Variants in OTUD4 observed in about 807,000 individuals in gnomAD.
The protein encoded by OTUD4 is OTU deubiquitinase 4.
A neutral mutation model predicts 130.4 loss-of-function variants in OTUD4; 24 were observed. The observed-to-expected ratio is 0.18, with a 90% CI of 0.13 to 0.26. The LOEUF (loss-of-function observed/expected upper bound fraction) is 0.26, where lower values mean the gene tolerates loss of function less well. Among genes scored for constraint, OTUD4 ranks in the 10% least tolerant of loss-of-function variants. The pLI is 1.00. For synonymous variants in OTUD4, 420 were observed against 472.5 expected, an observed-to-expected ratio of 0.89 and a Z score of 1.44; for missense variants, 1,031 against 1,329.4, an observed-to-expected ratio of 0.78 and a Z score of 3.49.
rs1451032757 is a variant in OTUD4 at position 145,137,101 on chromosome 4, T to A, written c.*329A>T. On this transcript the variant is annotated 3_prime_UTR_variant, in exon 21 of 21. Coordinates refer to ENST00000447906, the MANE Select transcript of OTUD4 (RefSeq NM_001366057.1). ...ATCTGAAATCAAACTTATAAACTTA[T>A]AAGGAAAAAAGCCAAACACTAAATC... is the stretch of plus-strand genomic sequence containing the variant. The A allele has an allele frequency of 1.0e-5, 2 of 198,778 alleles. No homozygotes were observed. Among genetic ancestry groups the A allele is most frequent in the East Asian group, 1.3e-4 (1 of 7,770 alleles). The allele number at this position is 198,778 out of a possible 1,614,324, so 12.3% of individuals were successfully genotyped here. A position where few individuals can be genotyped will look rare whatever the true frequency, so the allele number is the denominator to read the frequency against.
In OTUD4 at chr4:145,138,324, C is replaced by G. The variant is rs749727457; in HGVS notation, c.2451G>C (p.Glu817Asp). 7.4e-6 allele frequency: 12 copies of G among 1,613,988 alleles called. No homozygotes were observed. The highest frequency in any genetic ancestry group is 1.3e-5 in the African/African-American group (1 of 74,904). Residue 817 changes from glutamate (E) to aspartate (D), a missense_variant, in exon 21 of 21, where the codon GAG becomes GAC. This residue lies in a region of OTUD4 where 900 missense variants were observed against 1,095.9 expected (regional missense o/e 0.82). Transcript: ENST00000447906. ...QLSYQADLESETPGQLLHADY... is the reference protein window; with the variant it reads ...QLSYQADLESDTPGQLLHADY... Reference sequence around the variant, plus strand: ...CAGCATGCAGAAGCTGCCCAGGGGTCTCAGATTCAAGATCAGCCTGGTAAG... The same window carrying G: ...CAGCATGCAGAAGCTGCCCAGGGGTGTCAGATTCAAGATCAGCCTGGTAAG...
chr4:145,171,633 T>A (rs1406308973), intron 3 of OTUD4, 37 bp downstream of exon 3: 1 of 881,380 alleles, frequency 1.1e-6, no homozygotes. Flanking sequence ...TATTTGGATA[T>A]ATAAAAATAG....
In OTUD4 at chr4:145,144,409, G is replaced by A. The variant is rs1208366501; in HGVS notation, c.1448C>T (p.Ser483Phe). ...CTGGACACATGGATTGCTACTCTGA[G>A]AAGCTGACTGATTGACTGATGAGCT... ...LSSSSVNQSASQSSNPCVQRK... is the reference protein window; with the variant it reads ...LSSSSVNQSAFQSSNPCVQRK... The change falls in exon 15 of 21, where the codon TCT becomes TTT. Residue 483 changes from serine (S) to phenylalanine (F), a missense_variant. Ser to Phe is a radical substitution (Grantham distance 155). Around this residue, in one of 3 missense-constraint regions of OTUD4, gnomAD observed 900 missense variants for 1,095.9 expected, o/e 0.82. Transcript: ENST00000447906. The A allele has an allele frequency of 6.2e-7, 1 of 1,611,688 alleles. No homozygotes were observed. Among genetic ancestry groups the A allele is most frequent in the Non-Finnish European group, 8.5e-7 (1 of 1,178,950 alleles).
Position 145,134,110 on chromosome 4 carries a change from G to C in OTUD4, c.*3320C>G, listed in dbSNP as rs546565487. 1 of 152,470 alleles carries C rather than the reference G, an allele frequency of 6.6e-6. No homozygotes were observed. Among genetic ancestry groups the C allele is most frequent in the African/African-American group, 2.4e-5 (1 of 41,376 alleles). The allele number at this position is 152,470 out of a possible 1,614,324, so 9.4% of individuals were successfully genotyped here. ...TAAGATTTTCTAAAACTTGTATTTC[G>C]GGGAGAAAGACCTCTTTTAAAAAAT... On this transcript the variant is annotated 3_prime_UTR_variant, in exon 21 of 21. Coordinates refer to ENST00000447906, the MANE Select transcript of OTUD4 (RefSeq NM_001366057.1).
intron 1 of OTUD4, among the ~76,000 whole-genome samples, chr4:145,177,889 T>C (rs755259967): frequency 1.1e-4 from 17 of 152,320 alleles, no homozygotes; most frequent in Middle Eastern, 3.4e-3. Flanking sequence ...AAATATAAAT[T>C]ATTGGTACAC....
rs1221665475 is a variant in OTUD4, at chr4:145,174,671, TTC to T, written c.231_232del (p.Lys78IlefsTer2). On this transcript the variant is annotated frameshift_variant, in exon 2 of 21. Coordinates refer to ENST00000447906, the MANE Select transcript of OTUD4 (RefSeq NM_001366057.1). LOFTEE classifies it high-confidence loss of function. Reference sequence around the variant, plus strand: ...GAAATTACAAGTTACCGCTTCAAATTTCTCTCTGTTCTCTCGAAGATAGTGAA... The same window carrying T: ...GAAATTACAAGTTACCGCTTCAAATTTCTCTGTTCTCTCGAAGATAGTGAA... The T allele has an allele frequency of 6.3e-7, 1 of 1,590,818 alleles. No homozygotes were observed. The highest frequency in any genetic ancestry group is 8.6e-7 in the Non-Finnish European group (1 of 1,158,818).
chr4:145,134,982 T>C lies in OTUD4; in HGVS notation c.*2448A>G. 1 of 397,628 alleles carries C rather than the reference T, an allele frequency of 2.5e-6. No individual in the cohort carries two copies. The allele number at this position is 397,628 out of a possible 1,614,324, so 24.6% of individuals were successfully genotyped here. A position where few individuals can be genotyped will look rare whatever the true frequency, so the allele number is the denominator to read the frequency against. On this transcript the variant is annotated 3_prime_UTR_variant, in exon 21 of 21. Transcript: ENST00000447906. ...ATAAAGAAATATGTCAACATAACAG[T>C]ATGACATAACAGTTAAAATGAAGGA...
intron 2 of OTUD4, among the ~76,000 whole-genome samples, chr4:145,172,195 G>C (rs1752203867): frequency 6.6e-6 from 1 of 152,218 alleles, no homozygotes; most frequent in Admixed American, 6.5e-5. Flanking sequence ...AGATGAGAAA[G>C]GCCATTCAAG....
At position 145,137,633 on chromosome 4, in the gene OTUD4, C is replaced by T; in HGVS notation, c.3142G>A (p.Gly1048Arg). ...CAATCACTTTTGTACTTCCTGCTTCCATAAGTTTGATTATAGAACTGCTTG... is the reference window on the plus strand; with the variant it reads ...CAATCACTTTTGTACTTCCTGCTTCTATAAGTTTGATTATAGAACTGCTTG... ...RSKQFYNQTY[G>R]SRKYKSDWGY... is the part of the protein sequence containing the mutation. The change falls in exon 21 of 21, where the codon GGA (glycine) becomes AGA (arginine). Residue 1048 changes from glycine to arginine, a missense_variant. Gly to Arg is a moderately radical substitution (Grantham distance 125, BLOSUM62 -2). Around this residue, in one of 3 missense-constraint regions of OTUD4, gnomAD observed 900 missense variants for 1,095.9 expected, o/e 0.82. Transcript: ENST00000447906. The T allele has an allele frequency of 6.2e-7, 1 of 1,613,270 alleles. No homozygotes were observed. The highest frequency in any genetic ancestry group is 1.1e-5 in the South Asian group (1 of 91,056).
At position 145,174,758 on chromosome 4, in the gene OTUD4, G is replaced by T. The variant is rs888031725; in HGVS notation, c.160-14C>A. The T allele has an allele frequency of 1.4e-5, 21 of 1,509,260 alleles. No individual in the cohort carries two copies. Among genetic ancestry groups the T allele is most frequent in the Non-Finnish European group, 1.9e-5 (21 of 1,084,810 alleles). The allele number at this position is 1,509,260 out of a possible 1,614,324, so 93.5% of individuals were successfully genotyped here. A position where few individuals can be genotyped will look rare whatever the true frequency, so the allele number is the denominator to read the frequency against. ...AGAGTGCAATACCTAAAAAGAAAAG[G>T]CAACAAACACACTATTAAGCATTTA... On this transcript the variant is annotated splice_polypyrimidine_tract_variant and intron_variant, in intron 1 of 20. Transcript: ENST00000447906.
chr4:145,176,774 G>C (rs764595070), intron 1 of OTUD4, among the ~76,000 whole-genome samples: 4 of 152,142 alleles, frequency 2.6e-5, no homozygotes, highest in African/African-American at 4.8e-5. Context: ...TGGGAAAAGG[G>C]AGGCTCCAGC....
chr4:145,138,739 A>G (rs79569624), intron 20 of OTUD4, 89 bp from the exon 21 acceptor site: 18,574 of 1,213,520 alleles, frequency 0.015, 325 homozygotes, highest in Admixed American at 0.071. Flanking sequence ...TAGGGTCAAA[A>G]TAAGTTTCTC....
At chr4:145,179,424 G>A (rs953836468) in intron 1 of OTUD4, among the ~76,000 whole-genome samples, 1 of 152,162 alleles carries the variant, frequency 6.6e-6, no homozygotes, top group Non-Finnish European at 1.5e-5. Flanking sequence ...TAAACACTTG[G>A]TTTACTGGAG....
intron 10 of OTUD4, among the ~76,000 whole-genome samples, chr4:145,152,884 CTTTTT>C (rs34004833): frequency 7.0e-6 from 1 of 142,982 alleles, no homozygotes; most frequent in South Asian, 2.2e-4. Context: ...CCACACTCGG[CTTTTT>C]TTTTTTTTCT....
In OTUD4 at chr4:145,137,425, A is replaced by C. The variant is rs1750332118; in HGVS notation, c.*5T>G. On this transcript the variant is annotated 3_prime_UTR_variant, in exon 21 of 21. Transcript: ENST00000447906. The stretch of plus-strand genomic sequence containing the variant: ...TTCTGTTAGAAAATACTTCGGCAAC[A>C]ACCATCAAGTGTGCTGTCCCCTATG... The C allele has an allele frequency of 1.9e-6, 3 of 1,585,660 alleles. No individual in the cohort carries two copies. Among genetic ancestry groups the C allele is most frequent in the Non-Finnish European group, 2.6e-6 (3 of 1,163,838 alleles).
chr4:145,165,983 GA>G (rs1751852352), intron 3 of OTUD4, among the ~76,000 whole-genome samples: 1 of 151,364 alleles, frequency 6.6e-6, no homozygotes, highest in African/African-American at 2.4e-5. Context: ...CCAACATGGA[GA>G]AACCCCCTCT....
intron 5 of OTUD4, among the ~76,000 whole-genome samples, chr4:145,163,554 TA>T (rs1182633354): frequency 2.6e-5 from 4 of 152,246 alleles, no homozygotes; most frequent in Admixed American, 1.3e-4. Context: ...TTTATATTGA[TA>T]AAAAACTATA....
chr4:145,143,292 A>T, intron 17 of OTUD4, 73 bp downstream of exon 17: 1 of 866,668 alleles, frequency 1.2e-6, no homozygotes, highest in Non-Finnish European at 1.8e-6. Flanking sequence ...TTCTGTTTTT[A>T]AATGACCCTA....
intron 10 of OTUD4, among the ~76,000 whole-genome samples, chr4:145,153,127 A>G (rs1187865814): frequency 6.6e-6 from 1 of 152,204 alleles, no homozygotes; most frequent in Admixed American, 6.5e-5. Flanking sequence ...CCATCTCCTT[A>G]ACCTCCCAGA....
Sources: gnomAD v4.1 joint callset for allele counts (sites outside exome capture counted in the v4.1 genomes callset) on GRCh38, gnomAD v4.1.1 for gene constraint, gnomAD v4.1.1 regional missense constraint, MANE v1.5 for transcripts, NCBI Gene and HGNC (gene_info 2026-07-23, HGNC 2026-07-21) for gene names.